FAM156A: variants seen among roughly 807,000 people sequenced by gnomAD.
FAM156A encodes the protein family with sequence similarity 156 member A.
At chrX:52,991,365 C>T (rs1217485759) in intron 1 of FAM156A, among the ~76,000 whole-genome samples, 1 of 111,177 alleles carries the variant, frequency 9.0e-6, no homozygotes, top group Non-Finnish European at 1.9e-5. Flanking sequence ...CTCCAGAAGA[C>T]AGCAAATTCC....
intron 1 of FAM156A, among the ~76,000 whole-genome samples, chrX:52,991,110 G>A (rs1390967541): frequency 9.0e-6 from 1 of 111,584 alleles, no homozygotes; most frequent in Non-Finnish European, 1.9e-5. Context: ...TATTAGTCAG[G>A]GTTCTCCCAA....
intron 1 of FAM156A, among the ~76,000 whole-genome samples, chrX:52,992,777 C>T (rs1437267236): frequency 9.0e-6 from 1 of 111,653 alleles, no homozygotes; most frequent in East Asian, 2.8e-4. Flanking sequence ...CCCACCTTCC[C>T]CTTCTGCCTC....
At chrX:52,991,557 A>C (rs1216568411) in intron 1 of FAM156A, among the ~76,000 whole-genome samples, 1 of 110,900 alleles carries the variant, frequency 9.0e-6, no homozygotes, top group African/African-American at 3.3e-5. Flanking sequence ...GACACCTAAA[A>C]CTAACCATCA....
chrX:52,991,399 A>T (rs1048354103), intron 1 of FAM156A, among the ~76,000 whole-genome samples: 57 of 111,109 alleles, frequency 5.1e-4, no homozygotes, highest in Admixed American at 1.9e-4. Context: ...TTCTTGTTGT[A>T]CCTGTGCCCT....
chrX:52,987,626 T>A (rs1930382818), intron 1 of FAM156A, among the ~76,000 whole-genome samples: 1 of 105,483 alleles, frequency 9.5e-6, no homozygotes, highest in Admixed American at 1.0e-4. Context: ...CTAGCCTGGG[T>A]GAGAGAGTAA....
At chrX:52,981,655 C>G (rs1929919318) in intron 1 of FAM156A, among the ~76,000 whole-genome samples, 2 of 111,587 alleles carry the variant, frequency 1.8e-5, no homozygotes, top group Admixed American at 9.5e-5. Flanking sequence ...ACACCAGTTC[C>G]TCCTCTTCAC....
chrX:52,986,644 C>T (rs1204549706), intron 1 of FAM156A, among the ~76,000 whole-genome samples: 2 of 109,421 alleles, frequency 1.8e-5, no homozygotes, highest in Non-Finnish European at 3.8e-5. Context: ...TGACAAAATT[C>T]AACAGTCATT....
chrX:52,975,941 T>C (rs1556792087), intron 1 of FAM156A, among the ~76,000 whole-genome samples: 1 of 111,506 alleles, frequency 9.0e-6, no homozygotes, highest in Non-Finnish European at 1.9e-5. Flanking sequence ...TGTGGCATTT[T>C]TCAGGATGCC....
intron 1 of FAM156A, among the ~76,000 whole-genome samples, chrX:52,977,029 TAC>T (rs1391043831): frequency 9.4e-6 from 1 of 105,966 alleles, no homozygotes. Flanking sequence ...TATATATATA[TAC>T]ACACACACAT....
chrX:52,994,795 C>T (rs969306642), intron 1 of FAM156A, among the ~76,000 whole-genome samples: 6 of 110,603 alleles, frequency 5.4e-5, no homozygotes, highest in Non-Finnish European at 1.1e-4. Context: ...ATCAACATAG[C>T]GAGACTCCAT....
At chrX:52,981,190 A>C (rs1556793348) in intron 1 of FAM156A, among the ~76,000 whole-genome samples, 1 of 111,279 alleles carries the variant, frequency 9.0e-6, no homozygotes, top group Non-Finnish European at 1.9e-5. Flanking sequence ...AAGTTGACAC[A>C]TCAAGTTTAC....
chrX:52,980,668 G>A (rs1319850342), intron 1 of FAM156A, among the ~76,000 whole-genome samples: 4 of 111,768 alleles, frequency 3.6e-5, no homozygotes, highest in Non-Finnish European at 7.5e-5. Context: ...GGTGGGAGGA[G>A]AATGCCAGAG....
chrX:52,990,802 A>AAAAGAAAGAAAAG (rs1332891836), intron 1 of FAM156A, among the ~76,000 whole-genome samples: 9 of 83,640 alleles, frequency 1.1e-4, no homozygotes, highest in South Asian at 6.3e-4. Context: ...GAAAAGAAAG[A>AAAAGAAAGAAAAG]AAAGAAAAGA....
chrX:52,980,514 T>A (rs1929789298), intron 1 of FAM156A, among the ~76,000 whole-genome samples: 1 of 111,765 alleles, frequency 8.9e-6, no homozygotes, highest in Non-Finnish European at 1.9e-5. Context: ...GCCCAGTAGA[T>A]CCCTGAGTCC....
rs1930709602 is a variant in FAM156A, at chrX:52,990,850, A to AGAAAAGAAAG, written c.-434+4455_-434+4456insCTTTCTTTTC. Among the ~76,000 whole-genome samples the AGAAAAGAAAG allele has an allele frequency of 4.5e-5, 5 of 110,072 alleles. No homozygotes were observed. In the East Asian group the frequency reaches 1.2e-3, roughly 26 times the overall value. ...AGAAAAGAAAAGAAAAGAAAAGAAA[A>AGAAAAGAAAG]GAAAAGATGCTGGCCCTGGTCAGAA... On this transcript the variant is annotated intron_variant, in intron 1 of 4. Coordinates refer to the FAM156A transcript ENST00000610625.
chrX:52,974,632 A>G (rs1290766912), intron 1 of FAM156A, among the ~76,000 whole-genome samples: 2 of 111,280 alleles, frequency 1.8e-5, no homozygotes, highest in African/African-American at 6.5e-5. Flanking sequence ...CTAATGACCT[A>G]TGGAGCCATC....
intron 1 of FAM156A, among the ~76,000 whole-genome samples, chrX:52,977,462 G>T (rs1326062442): frequency 9.0e-6 from 1 of 111,419 alleles, no homozygotes; most frequent in Non-Finnish European, 1.9e-5. Flanking sequence ...TTGAGACAGG[G>T]TCTCACTCCC....
At chrX:52,982,865 A>G (rs1164418969) in intron 1 of FAM156A, among the ~76,000 whole-genome samples, 1 of 113,223 alleles carries the variant, frequency 8.8e-6, no homozygotes, top group Non-Finnish European at 1.9e-5. Flanking sequence ...GAAAAGTTCA[A>G]TGCTTTGCTG....
At chrX:52,975,555 C>G (rs1929403256) in intron 1 of FAM156A, among the ~76,000 whole-genome samples, 1 of 112,262 alleles carries the variant, frequency 8.9e-6, no homozygotes, top group African/African-American at 3.2e-5. Context: ...CCTGCTCATC[C>G]CAAACTAATG....
Sources: allele counts gnomAD v4.1 joint callset (sites outside exome capture counted in the v4.1 genomes callset), GRCh38; gene constraint gnomAD v4.1.1; transcripts MANE v1.5; gene names NCBI Gene and HGNC (gene_info 2026-07-23, HGNC 2026-07-21).